CEP164: variants seen among roughly 807,000 people sequenced by gnomAD.
CEP164 encodes the protein centrosomal protein of 164 kDa.
Under a neutral mutation model 182.7 loss-of-function variants are expected in CEP164, and 162 were observed. The ratio of observed to expected loss-of-function variants is 0.89; its 90% CI spans 0.78 to 1.01. The LOEUF (loss-of-function observed/expected upper bound fraction) is 1.01, where lower values mean the gene tolerates loss of function less well. Ranked by LOEUF, CEP164 falls within the 50% of genes least tolerant of loss-of-function variation. The pLI, the probability that CEP164 is intolerant of heterozygous loss-of-function variation, is 0.00. For missense variants in CEP164, 1,735 were observed against 1,790.4 expected (o/e 0.97, Z 0.56); for synonymous variants, 661 against 690.0 (o/e 0.96, Z 0.66).
In CEP164 at chr11:117,408,477, G is replaced by A. The variant is rs1592501675; in HGVS notation, c.3610-413G>A. 2.9e-5 allele frequency: 7 copies of A among 243,418 alleles called. 1 individual carries two copies. The South Asian group carries it at 4.6e-4, about 16-fold the overall frequency. 15.1% of individuals were successfully genotyped at this position (243,418 alleles called of 1,614,324 possible). A position where few individuals can be genotyped will look rare whatever the true frequency, so the allele number is the denominator to read the frequency against. On this transcript the variant is annotated intron_variant, in intron 28 of 32. Coordinates refer to ENST00000278935, the MANE Select transcript of CEP164 (RefSeq NM_014956.5). ...ACTGCAGGGAGAGCTTACTGGGAAG[G>A]GTGGTGGGGGTCTGTGTGGACCTGA...
At chr11:117,372,630 TG>T (rs2042331547) in intron 9 of CEP164, among the ~76,000 whole-genome samples, 1 of 151,712 alleles carries the variant, frequency 6.6e-6, no homozygotes, top group Non-Finnish European at 1.5e-5. Context: ...TTGGTCAGGC[TG>T]GTCTTGAACT....
In CEP164 at chr11:117,396,529, T is replaced by A. The variant is rs370201355; in HGVS notation, c.3217-21T>A. ...TCTGCTTTTGCTACACTCAGTGGACTTTTCTACCATGTGTCCCTAGAACCA... is the reference window on the plus strand; with the variant it reads ...TCTGCTTTTGCTACACTCAGTGGACATTTCTACCATGTGTCCCTAGAACCA... On this transcript the variant is annotated intron_variant, in intron 25 of 32. Transcript: ENST00000278935. 3.1e-6 allele frequency: 5 copies of A among 1,609,674 alleles called. No individual in the cohort carries two copies. In the African/African-American group the frequency reaches 6.7e-5, roughly 22 times the overall value.
chr11:117,392,899 T>G (rs1015246610), intron 19 of CEP164, 105 bp from the exon 20 acceptor site: 160 of 1,521,816 alleles, frequency 1.1e-4, no homozygotes, highest in Non-Finnish European at 1.3e-4. Flanking sequence ...GTTGTGTGTG[T>G]TGGGGGAGAT....
At chr11:117,327,712 C>T (rs934291164), upstream of CEP164, 1 of 152,238 alleles carries the variant, frequency 6.6e-6, no homozygotes, top group Non-Finnish European at 1.5e-5. Flanking sequence ...TCCCATCGTG[C>T]AACGGAAAAC....
At chr11:117,373,087 G>A (rs1483152937) in intron 9 of CEP164, among the ~76,000 whole-genome samples, 2 of 151,994 alleles carry the variant, frequency 1.3e-5, no homozygotes, top group Non-Finnish European at 2.9e-5. Context: ...AGCTTTTATC[G>A]GCCGGGCACG....
chr11:117,345,154 C>A (rs1180160130), intron 4 of CEP164, among the ~76,000 whole-genome samples: 2 of 151,992 alleles, frequency 1.3e-5, no homozygotes, highest in Non-Finnish European at 2.9e-5. Context: ...GGCTAGAGCT[C>A]TTTGGGTTGG....
chr11:117,339,911 A>G (rs1334414726), intron 3 of CEP164, among the ~76,000 whole-genome samples: 34 of 152,164 alleles, frequency 2.2e-4, no homozygotes, highest in Non-Finnish European at 1.5e-5. Flanking sequence ...GAGGAAATCA[A>G]GGCACAGAAA....
chr11:117,343,691 C>T (rs1213583491), intron 3 of CEP164, among the ~76,000 whole-genome samples: 3 of 142,936 alleles, frequency 2.1e-5, no homozygotes, highest in Non-Finnish European at 3.0e-5. Flanking sequence ...AGTGCAGTGG[C>T]GTGATCTCGG....
At chr11:117,382,629 TCAGGGAGAGGAAGGG>T in intron 13 of CEP164, 152 bp from the exon 14 acceptor site, 5 of 717,040 alleles carry the variant, frequency 7.0e-6, no homozygotes, top group Non-Finnish European at 1.2e-5. Context: ...TGCAAATAAT[TCAGGGAGAGGAAGGG>T]CGGGGAGAGG....
intron 13 of CEP164, among the ~76,000 whole-genome samples, 157 bp downstream of exon 13, chr11:117,382,025 G>C (rs949674653): frequency 1.3e-5 from 2 of 152,152 alleles, no homozygotes; most frequent in Non-Finnish European, 2.9e-5. Flanking sequence ...AGCAGCAGCA[G>C]CAGAGGCTCT....
intron 1 of CEP164, among the ~76,000 whole-genome samples, chr11:117,334,784 CAAAAAAAAAAA>C (rs5795074): frequency 9.7e-6 from 1 of 102,984 alleles, no homozygotes; most frequent in Non-Finnish European, 1.9e-5. Flanking sequence ...GACTTCGTTT[CAAAAAAAAAAA>C]AAAAAAAAGG....
At chr11:117,349,921 C>T (rs919582726) in intron 4 of CEP164, among the ~76,000 whole-genome samples, 1 of 152,068 alleles carries the variant, frequency 6.6e-6, no homozygotes, top group Non-Finnish European at 1.5e-5. Context: ...ATTACAGGCA[C>T]ACGCCACCAT....
chr11:117,336,618 T>A (rs568057990), intron 2 of CEP164: 3 of 1,276,712 alleles, frequency 2.3e-6, no homozygotes, highest in Non-Finnish European at 3.4e-6. Context: ...CTGTCTGGCA[T>A]TGGGATTCCA....
intron 27 of CEP164, among the ~76,000 whole-genome samples, chr11:117,403,811 C>A (rs994746296): frequency 6.6e-6 from 1 of 152,108 alleles, no homozygotes; most frequent in African/African-American, 2.4e-5. Flanking sequence ...TAGATTTGGT[C>A]TTTTCACATA....
rs949746546 is a variant in CEP164, at chr11:117,413,036, C to A, written c.*868C>A. 6.6e-6 allele frequency: 1 copy of A among 152,276 alleles called. No individual in the cohort carries two copies. Among genetic ancestry groups the A allele is most frequent in the African/African-American group, 2.4e-5 (1 of 41,448 alleles). The allele number at this position is 152,276 out of a possible 1,614,324, so 9.4% of individuals were successfully genotyped here. A position where few individuals can be genotyped will look rare whatever the true frequency, so the allele number is the denominator to read the frequency against. On this transcript the variant is annotated 3_prime_UTR_variant, in exon 33 of 33. Coordinates refer to ENST00000278935, the MANE Select transcript of CEP164 (RefSeq NM_014956.5). ...ATCTGTCTTTTCTACCTGTGCCACC[C>A]CTGCCCTGATTCCACGGCTGCCTCA...
intron 27 of CEP164, among the ~76,000 whole-genome samples, chr11:117,398,336 C>T (rs944150156): frequency 3.9e-5 from 6 of 152,196 alleles, no homozygotes; most frequent in Non-Finnish European, 5.9e-5. Context: ...AGCTGCCTTC[C>T]GAGGCTGGCA....
At chr11:117,404,911 G>A (rs746525739) in intron 27 of CEP164, among the ~76,000 whole-genome samples, 1 of 152,188 alleles carries the variant, frequency 6.6e-6, no homozygotes, top group East Asian at 1.9e-4. Flanking sequence ...GCTGTGGTGG[G>A]CTCCGTCCAG....
At chr11:117,390,390 G>A (rs1443429622) in intron 15 of CEP164, among the ~76,000 whole-genome samples, 1 of 151,896 alleles carries the variant, frequency 6.6e-6, no homozygotes, top group East Asian at 2.0e-4. Context: ...GCTCACACCT[G>A]TAATCTCAGT....
chr11:117,377,215 G>C (rs1725207984), intron 11 of CEP164, among the ~76,000 whole-genome samples: 2 of 152,150 alleles, frequency 1.3e-5, no homozygotes, highest in Non-Finnish European at 2.9e-5. Flanking sequence ...GGGGGCATTA[G>C]ATTCTCATGA....
Sources: allele counts gnomAD v4.1 joint callset (sites outside exome capture counted in the v4.1 genomes callset), GRCh38; gene constraint gnomAD v4.1.1; transcripts MANE v1.5; gene names NCBI Gene and HGNC (gene_info 2026-07-23, HGNC 2026-07-21).